MGST1: variants seen among roughly 807,000 people sequenced by gnomAD.
MGST1 encodes the protein glutathione S-transferase 12.
Under a neutral mutation model 8.9 loss-of-function variants are expected in MGST1, and 5 were observed. That is an observed-to-expected ratio of 0.56 (90% CI 0.29 to 1.19). The LOEUF (loss-of-function observed/expected upper bound fraction) is 1.19, where lower values mean the gene tolerates loss of function less well. MGST1 is among the 50% of genes most tolerant of loss of function. The probability of loss-of-function intolerance (pLI) is 0.08; values close to 1 mark genes in which losing one functional copy is unlikely to be tolerated. For missense variants in MGST1, 182 were observed against 187.4 expected (o/e 0.97, Z 0.17); for synonymous variants, 54 against 67.8 (o/e 0.80, Z 1.00).
intron 4 of MGST1, among the ~76,000 whole-genome samples, chr12:16,572,809 A>C (rs1025838228): frequency 6.6e-6 from 1 of 151,402 alleles, no homozygotes; most frequent in Non-Finnish European, 1.5e-5. Flanking sequence ...AAACCTGTTC[A>C]CAAAATATAG....
chr12:16,417,421 T>G (rs1465789959), intron 1 of MGST1, among the ~76,000 whole-genome samples: 3 of 152,126 alleles, frequency 2.0e-5, no homozygotes, highest in Non-Finnish European at 4.4e-5. Flanking sequence ...AATTGTAATT[T>G]GGATTACAAT....
intron 4 of MGST1, among the ~76,000 whole-genome samples, chr12:16,535,727 G>A (rs898731276): frequency 6.6e-6 from 1 of 152,058 alleles, no homozygotes; most frequent in Non-Finnish European, 1.5e-5. Flanking sequence ...TTCCCACCAG[G>A]CAGGCTACTC....
In MGST1 at chr12:16,402,433, C is replaced by T. The variant is rs149659454; in HGVS notation, n.778+18829C>T. 447 of 1,603,272 alleles carry T rather than the reference C, an allele frequency of 2.8e-4. 2 individuals carry two copies. The East Asian group carries it at 7.0e-3, about 25-fold the overall frequency. On this transcript the variant is annotated intron_variant and non_coding_transcript_variant, in intron 1 of 1. Transcript: ENST00000359720. ...GAGTCACAGCCATAGCCCTGGACGC[C>T]GCTTCTCCTCGGGTTCTGAGAATCA...
At chr12:16,479,321 G>A (rs1307815701) in intron 4 of MGST1, among the ~76,000 whole-genome samples, 19 of 137,756 alleles carry the variant, frequency 1.4e-4, no homozygotes, top group African/African-American at 5.2e-4. Context: ...TGCAAGCTCC[G>A]CCTCCCGGGT....
chr12:16,371,668 C>A (rs1940295668), intron 3 of MGST1, among the ~76,000 whole-genome samples: 2 of 151,852 alleles, frequency 1.3e-5, no homozygotes. Flanking sequence ...ATTAGTAGAT[C>A]TTTGTTACAA....
chr12:16,436,424 C>T (rs560621372), intron 1 of MGST1, among the ~76,000 whole-genome samples: 5 of 151,948 alleles, frequency 3.3e-5, no homozygotes, highest in African/African-American at 9.6e-5. Flanking sequence ...AGGTACTCTT[C>T]ATACTCTTAA....
chr12:16,536,691 A>C (rs953072757), intron 4 of MGST1, among the ~76,000 whole-genome samples: 1 of 152,178 alleles, frequency 6.6e-6, no homozygotes, highest in African/African-American at 2.4e-5. Flanking sequence ...CACGTCTTAC[A>C]TGGTGGTGGC....
At chr12:16,372,690 AG>A (rs1940313691) in intron 3 of MGST1, among the ~76,000 whole-genome samples, 1 of 151,944 alleles carries the variant, frequency 6.6e-6, no homozygotes, top group Admixed American at 6.6e-5. Flanking sequence ...TATATTCGAA[AG>A]AACGGAAATC....
chr12:16,580,365 C>T (rs1321450328), intron 4 of MGST1, among the ~76,000 whole-genome samples: 1 of 152,138 alleles, frequency 6.6e-6, no homozygotes, highest in South Asian at 2.1e-4. Context: ...TGCAACCAAC[C>T]AAATGAAGTA....
chr12:16,542,560 T>G (rs537326858), intron 4 of MGST1, among the ~76,000 whole-genome samples: 74 of 152,294 alleles, frequency 4.9e-4, no homozygotes, highest in Non-Finnish European at 9.4e-4. Flanking sequence ...TACTTGACCC[T>G]TCTTCATTGT....
chr12:16,372,945 TATATTAC>T (rs57598688), intron 3 of MGST1, among the ~76,000 whole-genome samples: 22,661 of 146,836 alleles, frequency 0.15, 1,959 homozygotes, highest in African/African-American at 0.23. Flanking sequence ...TTTTATATTA[TATATTAC>T]ATATTACATA....
chr12:16,499,792 C>G (rs967580585), intron 4 of MGST1, among the ~76,000 whole-genome samples: 1 of 152,114 alleles, frequency 6.6e-6, no homozygotes, highest in Non-Finnish European at 1.5e-5. Flanking sequence ...TGACACCCAT[C>G]TTTTCTTGGC....
At chr12:16,590,475 G>A (rs1357153675), downstream of MGST1, among the ~76,000 whole-genome samples, 1 of 151,838 alleles carries the variant, frequency 6.6e-6, no homozygotes, top group Non-Finnish European at 1.5e-5. Context: ...ATAGGGCTTG[G>A]CTTGACTTTA....
intron 4 of MGST1, among the ~76,000 whole-genome samples, chr12:16,561,470 C>G (rs1942402776): frequency 6.6e-6 from 1 of 151,850 alleles, no homozygotes; most frequent in Admixed American, 6.6e-5. Context: ...GTCAGGCTGA[C>G]AGGAGGAAAA....
At chr12:16,471,941 A>ACC (rs1230856723) in intron 4 of MGST1, among the ~76,000 whole-genome samples, 1 of 152,048 alleles carries the variant, frequency 6.6e-6, no homozygotes, top group Non-Finnish European at 1.5e-5. Flanking sequence ...ACACACACAC[A>ACC]GACACCAATG....
intron 4 of MGST1, among the ~76,000 whole-genome samples, chr12:16,454,150 G>A (rs1371814844): frequency 6.6e-6 from 1 of 151,902 alleles, no homozygotes; most frequent in East Asian, 1.9e-4. Context: ...CTAGGACTGG[G>A]ATTCAGATTG....
rs544157380 is a variant in MGST1 at position 16,389,975 on chromosome 12, C to G, written n.778+6371C>G. Among the ~76,000 whole-genome samples, 44 of 152,266 alleles carry G rather than the reference C, an allele frequency of 2.9e-4. No homozygotes were observed. The highest frequency in any genetic ancestry group is 1.0e-3 in the African/African-American group (42 of 41,566). ...TTGAAGTGCAATACAGACTGCAGCTCCATCCGTCAGAGGGTTGAAATTTCA... is the reference window on the plus strand; with the variant it reads ...TTGAAGTGCAATACAGACTGCAGCTGCATCCGTCAGAGGGTTGAAATTTCA... On this transcript the variant is annotated intron_variant and non_coding_transcript_variant, in intron 1 of 1. Coordinates refer to the MGST1 transcript ENST00000359720. The surrounding 1 kb of genome is among the most constrained non-coding windows in gnomAD (Gnocchi z 4.6).
chr12:16,570,724 A>T (rs1477610242), intron 4 of MGST1, among the ~76,000 whole-genome samples: 1 of 152,170 alleles, frequency 6.6e-6, no homozygotes, highest in Non-Finnish European at 1.5e-5. Context: ...ACTTGTTCTG[A>T]TGTAAAGGAT....
intron 4 of MGST1, among the ~76,000 whole-genome samples, chr12:16,467,986 C>A (rs1028030511): frequency 6.6e-6 from 1 of 152,142 alleles, no homozygotes; most frequent in Non-Finnish European, 1.5e-5. Flanking sequence ...TGTTGAGGCT[C>A]ATTGTCAGCT....
Sources: allele counts gnomAD v4.1 joint callset (sites outside exome capture counted in the v4.1 genomes callset), GRCh38; gene constraint gnomAD v4.1.1; non-coding constraint Gnocchi (gnomAD v3.1); transcripts MANE v1.5; gene names NCBI Gene and HGNC (gene_info 2026-07-23, HGNC 2026-07-21).